The following SIL1 variants were observed in gnomAD, a reference collection of about 807,000 sequenced individuals.
The protein encoded by SIL1 is SIL1 nucleotide exchange factor, also known as nucleotide exchange factor SIL1.
In SIL1, 40 loss-of-function variants were observed where a neutral mutation model predicts 49.1. The observed-to-expected ratio is 0.81, with a 90% CI of 0.63 to 1.06. The LOEUF is 1.06. Ranked by LOEUF, SIL1 falls within the 50% of genes least tolerant of loss-of-function variation. The pLI, the probability that SIL1 is intolerant of heterozygous loss-of-function variation, is 0.00. For synonymous variants in SIL1, 253 were observed against 250.8 expected, an observed-to-expected ratio of 1.01 and a Z score of -0.08; for missense variants, 500 against 572.6, an observed-to-expected ratio of 0.87 and a Z score of 1.29.
chr5:139,161,557 C>T lies in SIL1; in HGVS notation c.-10-33704G>A, dbSNP rs1028849070. ...TGAACATCTGTCGGCTAACCCTGTT[C>T]TAGACACTCTCTCTTTCTCATATCC... On this transcript the variant is annotated intron_variant, in intron 1 of 9. Coordinates refer to ENST00000394817, the MANE Select transcript of SIL1 (RefSeq NM_022464.5). Among the ~76,000 whole-genome samples the T allele has an allele frequency of 2.0e-5, 3 of 152,308 alleles. No homozygotes were observed. In the South Asian group the frequency reaches 6.2e-4, roughly 32 times the overall value.
chr5:139,166,855 C>A (rs1245636636), intron 1 of SIL1, among the ~76,000 whole-genome samples: 2 of 152,160 alleles, frequency 1.3e-5, no homozygotes, highest in Admixed American at 1.3e-4. Flanking sequence ...GTCGCCCAGG[C>A]TGGAGTGCAG....
intron 1 of SIL1, among the ~76,000 whole-genome samples, chr5:139,177,720 C>A (rs977272372): frequency 6.6e-6 from 1 of 152,202 alleles, no homozygotes. Context: ...TCTGGCAGCA[C>A]GTAACTCTGA....
intron 3 of SIL1, among the ~76,000 whole-genome samples, chr5:139,066,178 G>A (rs1342214437): frequency 2.6e-5 from 4 of 152,150 alleles, no homozygotes; most frequent in Admixed American, 6.5e-5. Flanking sequence ...GCTGCCCTCC[G>A]AAGTACCAAT....
chr5:139,095,611 G>C (rs1211498822), intron 3 of SIL1, among the ~76,000 whole-genome samples: 1 of 152,188 alleles, frequency 6.6e-6, no homozygotes, highest in Admixed American at 6.5e-5. Flanking sequence ...GCTGGGTGCA[G>C]TGGCTCACGC....
At chr5:139,120,431 A>C (rs1172143534) in intron 3 of SIL1, among the ~76,000 whole-genome samples, 2 of 152,206 alleles carry the variant, frequency 1.3e-5, no homozygotes, top group African/African-American at 4.8e-5. Context: ...TGAAAATTCA[A>C]CAAGATTATG....
At chr5:138,974,703 GCTTGGGAAGTCAAT>G (rs1767359547) in intron 7 of SIL1, among the ~76,000 whole-genome samples, 1 of 152,214 alleles carries the variant, frequency 6.6e-6, no homozygotes. Context: ...CCTTTATGTT[GCTTGGGAAGTCAAT>G]GCTCCTCTCT....
At chr5:139,018,460 C>T (rs751605262) in intron 7 of SIL1, among the ~76,000 whole-genome samples, 2 of 151,858 alleles carry the variant, frequency 1.3e-5, no homozygotes, top group Non-Finnish European at 1.5e-5. Context: ...TGTGGTGCCG[C>T]GTACCTGTAG....
chr5:138,974,992 T>C (rs1767366165), intron 7 of SIL1, among the ~76,000 whole-genome samples: 3 of 152,196 alleles, frequency 2.0e-5, no homozygotes, highest in African/African-American at 7.2e-5. Flanking sequence ...TGTCCATCCA[T>C]AGACCAGGAT....
At chr5:139,134,458 T>TC (rs565909447) in intron 1 of SIL1, among the ~76,000 whole-genome samples, 185 of 152,160 alleles carry the variant, frequency 1.2e-3, no homozygotes, top group African/African-American at 3.5e-3. Flanking sequence ...GGAATGGAAA[T>TC]GATGACTGCT....
In SIL1 at chr5:138,946,918, C is replaced by T. The variant is rs538032811; in HGVS notation, c.*199G>A. The T allele has an allele frequency of 3.2e-6, 2 of 619,458 alleles. No individual in the cohort carries two copies. The highest frequency in any genetic ancestry group is 4.8e-5 in the Admixed American group (2 of 41,950). The allele number at this position is 619,458 out of a possible 1,614,324, so 38.4% of individuals were successfully genotyped here. On this transcript the variant is annotated 3_prime_UTR_variant, in exon 10 of 10. Coordinates refer to ENST00000394817, the MANE Select transcript of SIL1 (RefSeq NM_022464.5). ...CCCTGCACGTCAGCAGAGCCCATCACCCAACCACTCACCTGACCCCCCGGC... is the reference window on the plus strand; with the variant it reads ...CCCTGCACGTCAGCAGAGCCCATCATCCAACCACTCACCTGACCCCCCGGC...
intron 3 of SIL1, among the ~76,000 whole-genome samples, chr5:139,073,493 T>C (rs570552051): frequency 2.0e-5 from 3 of 152,240 alleles, no homozygotes; most frequent in Non-Finnish European, 4.4e-5. Flanking sequence ...GTTGATCTCA[T>C]AGAAGCAGAG....
intron 1 of SIL1, chr5:139,196,360 T>G (rs981747579): frequency 6.6e-6 from 1 of 152,216 alleles, no homozygotes; most frequent in East Asian, 1.9e-4. Flanking sequence ...CACCTACACC[T>G]GCACACATCA....
At chr5:139,193,659 C>A (rs1260928941) in intron 1 of SIL1, among the ~76,000 whole-genome samples, 1 of 152,142 alleles carries the variant, frequency 6.6e-6, no homozygotes, top group African/African-American at 2.4e-5. Context: ...ATTAGATGAA[C>A]CCAAAGGGTT....
In SIL1 at chr5:138,948,338, CCT is replaced by C. The variant is rs1766681691; in HGVS notation, c.1030-867_1030-866del. Among the ~76,000 whole-genome samples the C allele has an allele frequency of 2.0e-5, 3 of 152,130 alleles. No homozygotes were observed. Among genetic ancestry groups the C allele is most frequent in the Admixed American group, 2.0e-4 (3 of 15,280 alleles). ...TCCCCTAGTCCTTTCCTACTTCACC[CCT>C]CAGTCCTGCCAGCTTCGCTTCCAAA... On this transcript the variant is annotated intron_variant, in intron 9 of 9. Transcript: ENST00000394817. The surrounding 1 kb of genome is among the most constrained non-coding windows in gnomAD (Gnocchi z 4.8).
intron 7 of SIL1, among the ~76,000 whole-genome samples, chr5:138,999,961 T>C (rs1767953222): frequency 6.6e-6 from 1 of 152,228 alleles, no homozygotes; most frequent in Non-Finnish European, 1.5e-5. Context: ...TTTATGTTTC[T>C]CTCTTGCCTA....
intron 1 of SIL1, among the ~76,000 whole-genome samples, chr5:139,183,417 T>A (rs996730082): frequency 6.6e-6 from 1 of 152,156 alleles, no homozygotes; most frequent in East Asian, 1.9e-4. Context: ...TCCCCGGAGT[T>A]TCCAGAGACC....
At chr5:139,193,953 C>T (rs892773202) in intron 1 of SIL1, among the ~76,000 whole-genome samples, 22 of 152,228 alleles carry the variant, frequency 1.4e-4, no homozygotes, top group Admixed American at 3.9e-4. Context: ...GCAAGGCTGG[C>T]TCTTTCCATT....
intron 3 of SIL1, among the ~76,000 whole-genome samples, chr5:139,051,728 A>C (rs984365223): frequency 3.9e-5 from 6 of 152,344 alleles, no homozygotes; most frequent in Middle Eastern, 3.4e-3. Context: ...GAGCCAAGAG[A>C]AACTGAAAAC....
intron 1 of SIL1, among the ~76,000 whole-genome samples, chr5:139,165,590 TC>T (rs1433524573): frequency 6.6e-6 from 1 of 152,120 alleles, no homozygotes; most frequent in Non-Finnish European, 1.5e-5. Context: ...CCTCAGGTGA[TC>T]CGCCCACCTT....
Sources: allele counts gnomAD v4.1 joint callset (sites outside exome capture counted in the v4.1 genomes callset), GRCh38; gene constraint gnomAD v4.1.1; non-coding constraint Gnocchi (gnomAD v3.1); transcripts MANE v1.5; gene names NCBI Gene and HGNC (gene_info 2026-07-23, HGNC 2026-07-21).